The following SMIM8 variants were observed in gnomAD, a reference collection of about 807,000 sequenced individuals.
SMIM8 encodes small integral membrane protein 8.
A neutral mutation model predicts 8.1 loss-of-function variants in SMIM8; 8 were observed. That is an observed-to-expected ratio of 0.99 (90% CI 0.58 to 1.78). The LOEUF (loss-of-function observed/expected upper bound fraction) is 1.78. Among genes scored for constraint, SMIM8 ranks in the 40% most tolerant of loss-of-function variants. The pLI is 0.00. For synonymous variants in SMIM8, 45 were observed against 39.7 expected (o/e 1.13, Z -0.50); for missense variants, 126 against 119.8 (o/e 1.05, Z -0.24).
intron 3 of SMIM8, among the ~76,000 whole-genome samples, chr6:87,338,916 T>A (rs79997845): frequency 0.018 from 2,717 of 149,674 alleles, 85 homozygotes; most frequent in African/African-American, 0.062. Flanking sequence ...CTTTTTTTTT[T>A]TTTTTTTTTT....
At chr6:87,334,904 T>C (rs1374038086) in intron 2 of SMIM8, among the ~76,000 whole-genome samples, 2 of 152,130 alleles carry the variant, frequency 1.3e-5, no homozygotes, top group South Asian at 2.1e-4. Context: ...CAGTAGACAA[T>C]TGGTCTGCCC....
At chr6:87,329,220 G>GCTCACTCTGGGAGCTGTAGACCGAGC (rs1776931172) in intron 1 of SMIM8, 1 of 154,420 alleles carries the variant, frequency 6.5e-6, no homozygotes, top group Non-Finnish European at 1.4e-5. Context: ...CTTCTGCGTT[G>GCTCACTCTGGGAGCTGTAGACCGAGC]CTCACTCTGG....
At chr6:87,326,530 T>C (rs955202212) in intron 1 of SMIM8, among the ~76,000 whole-genome samples, 1 of 151,682 alleles carries the variant, frequency 6.6e-6, no homozygotes, top group Non-Finnish European at 1.5e-5. Flanking sequence ...ATGTACCCAG[T>C]AGTCATTCAG....
chr6:87,334,407 A>C (rs1016748727), intron 2 of SMIM8, among the ~76,000 whole-genome samples: 2 of 152,136 alleles, frequency 1.3e-5, no homozygotes, highest in Non-Finnish European at 2.9e-5. Flanking sequence ...AAACAAGAAC[A>C]AAAATTGCTG....
intron 1 of SMIM8, among the ~76,000 whole-genome samples, chr6:87,328,120 A>G (rs1776880440): frequency 6.6e-6 from 1 of 152,126 alleles, no homozygotes; most frequent in Non-Finnish European, 1.5e-5. Context: ...TCCTTTAAGC[A>G]CTTCTCAGTA....
In SMIM8 at chr6:87,340,143, G is replaced by A. The variant is rs968583528; in HGVS notation, c.163G>A (p.Val55Ile). The change falls in exon 4 of 4, where the codon GTA becomes ATA. Residue 55 changes from valine (V) to isoleucine (I), a missense_variant. Physicochemically the swap from Val to Ile is conservative, Grantham distance 29. Coordinates refer to ENST00000392863, the MANE Select transcript of SMIM8 (RefSeq NM_001042493.3). ...CAAACCTGTAATGGCTTTCGGATTG[G>A]TAACTCTTTCACTTTGCGTGGCATA... Reference protein sequence around the residue: ...PNKPVMAFGLVTLSLCVAYIG... With the variant: ...PNKPVMAFGLITLSLCVAYIG... The A allele has an allele frequency of 6.3e-7, 1 of 1,592,174 alleles. No homozygotes were observed. The highest frequency in any genetic ancestry group is 8.5e-7 in the Non-Finnish European group (1 of 1,172,296).
rs1024126013 is a variant in SMIM8, at chr6:87,341,106, T to C, written c.*832T>C. Reference sequence around the variant, plus strand: ...ATAAACATAAGACCAAGTGTTCTTATAGTTATTTAAAAACTACAACTACTC... The same window carrying C: ...ATAAACATAAGACCAAGTGTTCTTACAGTTATTTAAAAACTACAACTACTC... On this transcript the variant is annotated 3_prime_UTR_variant, in exon 4 of 4. Coordinates refer to ENST00000392863, the MANE Select transcript of SMIM8 (RefSeq NM_001042493.3). The C allele has an allele frequency of 5.1e-6, 2 of 393,300 alleles. No homozygotes were observed. The highest frequency in any genetic ancestry group is 4.4e-5 in the Admixed American group (1 of 22,578). 24.4% of individuals were successfully genotyped at this position (393,300 alleles called of 1,614,324 possible).
At chr6:87,326,757 G>A (rs1485397198) in intron 1 of SMIM8, among the ~76,000 whole-genome samples, 1 of 120,652 alleles carries the variant, frequency 8.3e-6, no homozygotes, top group East Asian at 2.2e-4. Context: ...ATTTGGGGTG[G>A]AGAGTTCTGT....
rs986448959 is a variant in SMIM8 at position 87,339,023 on chromosome 6, A to G, written c.136-1093A>G. Among the ~76,000 whole-genome samples the G allele has an allele frequency of 3.4e-5, 5 of 149,208 alleles. No individual in the cohort carries two copies. The East Asian group carries it at 9.9e-4, about 29-fold the overall frequency. ...CAGGAGTTCAACATACTGAGACTCT[A>G]TCTCTACAAAAAAATTTAAAATTAG... On this transcript the variant is annotated intron_variant, in intron 3 of 3. Transcript: ENST00000392863.
chr6:87,337,919 C>T (rs1353029414), intron 3 of SMIM8, among the ~76,000 whole-genome samples: 1 of 152,132 alleles, frequency 6.6e-6, no homozygotes, highest in African/African-American at 2.4e-5. Flanking sequence ...TGAGCCACCA[C>T]GCCTGGCTGA....
chr6:87,338,186 G>C (rs1198137896), intron 3 of SMIM8, among the ~76,000 whole-genome samples: 3 of 152,150 alleles, frequency 2.0e-5, no homozygotes, highest in Non-Finnish European at 2.9e-5. Context: ...ACTGCTCTGA[G>C]TCTGTGTCCT....
intron 2 of SMIM8, among the ~76,000 whole-genome samples, chr6:87,333,411 C>G (rs933778407): frequency 6.6e-6 from 1 of 152,196 alleles, no homozygotes; most frequent in Non-Finnish European, 1.5e-5. Flanking sequence ...ATAGCACCCA[C>G]GTTTATAGTC....
chr6:87,334,679 T>C (rs1001429569), intron 2 of SMIM8, among the ~76,000 whole-genome samples: 1 of 152,242 alleles, frequency 6.6e-6, no homozygotes, highest in Admixed American at 6.5e-5. Context: ...AGGTAGACTT[T>C]GCAAAGGAAA....
chr6:87,327,119 G>A (rs1483627332), intron 1 of SMIM8, among the ~76,000 whole-genome samples: 1 of 151,528 alleles, frequency 6.6e-6, no homozygotes, highest in Non-Finnish European at 1.5e-5. Flanking sequence ...CCATTTGCTT[G>A]GTAGATGTTC....
At position 87,337,185 on chromosome 6, in the gene SMIM8, A is replaced by T; in HGVS notation, c.135+19A>T. ...TAAACCTGTAAGAAATACATCCAGG[A>T]TAAGACTTTGTGTTTAATCCAACCA... On this transcript the variant is annotated intron_variant, in intron 3 of 3. Coordinates refer to ENST00000392863, the MANE Select transcript of SMIM8 (RefSeq NM_001042493.3). 1 of 1,578,984 alleles carries T rather than the reference A, an allele frequency of 6.3e-7. No individual in the cohort carries two copies. Among genetic ancestry groups the T allele is most frequent in the Non-Finnish European group, 8.6e-7 (1 of 1,164,074 alleles).
intron 2 of SMIM8, among the ~76,000 whole-genome samples, chr6:87,334,397 AAAC>A (rs1173058173): frequency 6.6e-6 from 1 of 152,190 alleles, no homozygotes; most frequent in African/African-American, 2.4e-5. Context: ...AGAAATTTAA[AAAC>A]AAGAACAAAA....
intron 2 of SMIM8, among the ~76,000 whole-genome samples, chr6:87,333,904 G>C (rs1031304827): frequency 6.6e-6 from 1 of 152,204 alleles, no homozygotes; most frequent in Non-Finnish European, 1.5e-5. Flanking sequence ...ATAAAGCAAA[G>C]AGGTTTAATT....
intron 3 of SMIM8, among the ~76,000 whole-genome samples, chr6:87,337,872 C>G (rs1419028092): frequency 6.6e-6 from 1 of 152,158 alleles, no homozygotes; most frequent in Non-Finnish European, 1.5e-5. Flanking sequence ...AAGCGATTCT[C>G]CCACCTCAGC....
chr6:87,325,269 G>C (rs1198028877), intron 1 of SMIM8, among the ~76,000 whole-genome samples: 4 of 148,406 alleles, frequency 2.7e-5, no homozygotes, highest in Non-Finnish European at 5.9e-5. Context: ...TCCTTCTCCT[G>C]CCTAATTGCC....
Sources: allele counts gnomAD v4.1 joint callset (sites outside exome capture counted in the v4.1 genomes callset), GRCh38; gene constraint gnomAD v4.1.1; transcripts MANE v1.5; gene names NCBI Gene and HGNC (gene_info 2026-07-23, HGNC 2026-07-21).